OTUD7A: variants seen among roughly 807,000 people sequenced by gnomAD.
OTUD7A encodes the protein OTU domain-containing protein 7A.
In OTUD7A, 12 loss-of-function variants were observed where a neutral mutation model predicts 65.7. The ratio of observed to expected loss-of-function variants is 0.18; its 90% CI spans 0.12 to 0.30. The LOEUF (loss-of-function observed/expected upper bound fraction) is 0.30, where lower values mean the gene tolerates loss of function less well. OTUD7A is among the 10% of genes least tolerant of loss of function. OTUD7A has a pLI of 1.00. For missense variants in OTUD7A, 1,148 were observed against 1,304.8 expected, an observed-to-expected ratio of 0.88 and a Z score of 1.85; for synonymous variants, 641 against 586.3, an observed-to-expected ratio of 1.09 and a Z score of -1.35.
chr15:31,770,104 C>A (rs1001310297), intron 1 of OTUD7A, among the ~76,000 whole-genome samples: 3 of 151,970 alleles, frequency 2.0e-5, no homozygotes, highest in African/African-American at 7.2e-5. Flanking sequence ...AAGACCAGAA[C>A]AGAAAACAGA....
At chr15:31,521,194 G>A (rs1362801967) in intron 8 of OTUD7A, among the ~76,000 whole-genome samples, 2 of 152,136 alleles carry the variant, frequency 1.3e-5, no homozygotes, top group East Asian at 1.9e-4. Flanking sequence ...TAATGGGTAC[G>A]CTAAAATCCC....
At chr15:31,750,535 G>A (rs916020308) in intron 1 of OTUD7A, among the ~76,000 whole-genome samples, 8 of 150,698 alleles carry the variant, frequency 5.3e-5, no homozygotes, top group African/African-American at 2.0e-4. Flanking sequence ...ATCAAAAAGA[G>A]CCTGAATAGC....
intron 1 of OTUD7A, among the ~76,000 whole-genome samples, chr15:31,824,497 C>T (rs750725705): frequency 1.3e-5 from 2 of 152,116 alleles, no homozygotes; most frequent in African/African-American, 4.8e-5. Context: ...CAGAGAAATG[C>T]CTCTTTACTG....
intron 1 of OTUD7A, among the ~76,000 whole-genome samples, chr15:31,717,174 G>A (rs561509430): frequency 6.6e-6 from 1 of 152,188 alleles, no homozygotes; most frequent in Admixed American, 6.5e-5. Context: ...ATTGCATTTC[G>A]TTTTCATGTT....
At chr15:31,782,032 C>T (rs1308002783) in intron 1 of OTUD7A, among the ~76,000 whole-genome samples, 1 of 152,122 alleles carries the variant, frequency 6.6e-6, no homozygotes. Flanking sequence ...ACTGTTTATC[C>T]CAGTACTTCA....
At chr15:31,562,621 C>T (rs550507390) in intron 4 of OTUD7A, among the ~76,000 whole-genome samples, 1 of 152,216 alleles carries the variant, frequency 6.6e-6, no homozygotes, top group Admixed American at 6.5e-5. Context: ...CTTCCACCTT[C>T]ATGACAGTCA....
chr15:31,591,813 T>A (rs1405707696), intron 3 of OTUD7A, among the ~76,000 whole-genome samples: 2 of 152,222 alleles, frequency 1.3e-5, no homozygotes, highest in Non-Finnish European at 2.9e-5. Flanking sequence ...CTAGGCGATT[T>A]CATCATTGTG....
intron 1 of OTUD7A, among the ~76,000 whole-genome samples, chr15:31,666,978 C>A (rs184755013): frequency 6.6e-6 from 1 of 152,318 alleles, no homozygotes; most frequent in East Asian, 1.9e-4. Flanking sequence ...TTTGCCTCCA[C>A]TGTGGTCTGA....
At chr15:31,507,604 G>A (rs569631400) in intron 8 of OTUD7A, among the ~76,000 whole-genome samples, 5 of 147,852 alleles carry the variant, frequency 3.4e-5, no homozygotes, top group African/African-American at 1.0e-4. Context: ...CCATGGAACA[G>A]GACCCGAGCA....
At chr15:31,649,104 T>A (rs1344192916) in intron 3 of OTUD7A, among the ~76,000 whole-genome samples, 1 of 152,164 alleles carries the variant, frequency 6.6e-6, no homozygotes. Flanking sequence ...CACTGGGGGA[T>A]TCAGGGCTTA....
At chr15:31,642,397 T>C (rs1251629074) in intron 3 of OTUD7A, among the ~76,000 whole-genome samples, 3 of 152,228 alleles carry the variant, frequency 2.0e-5, no homozygotes, top group Admixed American at 2.0e-4. Context: ...ATTAGGGTAA[T>C]GCTGGCGCAA....
intron 1 of OTUD7A, among the ~76,000 whole-genome samples, chr15:31,829,815 G>A (rs1354039368): frequency 6.6e-6 from 1 of 152,196 alleles, no homozygotes; most frequent in East Asian, 1.9e-4. Flanking sequence ...CCTTACACCT[G>A]AGTCTTTTAC....
At position 31,484,399 on chromosome 15, in the gene OTUD7A, C is replaced by T. The variant is rs1290613571; in HGVS notation, c.1697G>A (p.Arg566Gln). ...CGACTTGGCCTTCTTCTCCTTGCCCCGCTCGGCCGAGTCCCCGTTCTTGCC... is the reference window on the plus strand; with the variant it reads ...CGACTTGGCCTTCTTCTCCTTGCCCTGCTCGGCCGAGTCCCCGTTCTTGCC... ...ANGKNGDSAE[R>Q]GKEKKAKSRK... Residue 566 changes from arginine (R) to glutamine (Q), a missense_variant, in exon 13 of 13, where the codon CGG becomes CAG. Physicochemically the swap from Arg to Gln is conservative, Grantham distance 43 (BLOSUM62 1). Around this residue, in one of 6 missense-constraint regions of OTUD7A, gnomAD observed 842 missense variants for 769.5 expected, o/e 1.09. Transcript: ENST00000307050. The surrounding 1 kb of genome is among the most constrained non-coding windows in gnomAD (Gnocchi z 4.5). 2 of 1,601,322 alleles carry T rather than the reference C, an allele frequency of 1.2e-6. No individual in the cohort carries two copies. The highest frequency in any genetic ancestry group is 1.7e-4 in the Middle Eastern group (1 of 6,060).
At chr15:31,807,222 A>G (rs546976368) in intron 1 of OTUD7A, among the ~76,000 whole-genome samples, 1 of 152,276 alleles carries the variant, frequency 6.6e-6, no homozygotes, top group East Asian at 1.9e-4. Context: ...GCCTCGGAGA[A>G]GCTAACTAAC....
chr15:31,604,821 C>A (rs1165928330), intron 3 of OTUD7A, among the ~76,000 whole-genome samples: 2 of 152,170 alleles, frequency 1.3e-5, no homozygotes, highest in Non-Finnish European at 2.9e-5. Context: ...GGCAAGTGTG[C>A]TCAGGGCTTG....
chr15:31,484,398 C>T lies in OTUD7A; in HGVS notation c.1698G>A (p.Arg566=). Residue 566 remains arginine (R), a synonymous_variant, in exon 13 of 13, where the codon CGG becomes CGA. Transcript: ENST00000307050. The surrounding 1 kb of genome is among the most constrained non-coding windows in gnomAD (Gnocchi z 4.5). ...GCGACTTGGCCTTCTTCTCCTTGCC[C>T]CGCTCGGCCGAGTCCCCGTTCTTGC... The part of the protein sequence containing the change: ...ANGKNGDSAE[R]GKEKKAKSRK... The T allele has an allele frequency of 6.2e-7, 1 of 1,601,368 alleles. No individual in the cohort carries two copies.
At chr15:31,516,178 C>T (rs1015264199) in intron 8 of OTUD7A, among the ~76,000 whole-genome samples, 43 of 152,318 alleles carry the variant, frequency 2.8e-4, no homozygotes, top group African/African-American at 1.0e-3. Context: ...AAGGTAACAA[C>T]GGTGCAAAGG....
intron 3 of OTUD7A, among the ~76,000 whole-genome samples, chr15:31,637,771 G>A (rs1891386946): frequency 6.6e-6 from 1 of 152,168 alleles, no homozygotes; most frequent in Non-Finnish European, 1.5e-5. Flanking sequence ...TGGGGTCCAA[G>A]ACTTCAGTGG....
At chr15:31,534,126 A>G (rs568394451) in intron 5 of OTUD7A, among the ~76,000 whole-genome samples, 137 of 152,346 alleles carry the variant, frequency 9.0e-4, no homozygotes, top group Non-Finnish European at 1.6e-3. Context: ...GTACAAAGAG[A>G]GAAAAGTGCA....
Sources: allele counts gnomAD v4.1 joint callset (sites outside exome capture counted in the v4.1 genomes callset), GRCh38; gene constraint gnomAD v4.1.1; regional missense constraint gnomAD v4.1.1; non-coding constraint Gnocchi (gnomAD v3.1); transcripts MANE v1.5; gene names NCBI Gene and HGNC (gene_info 2026-07-23, HGNC 2026-07-21).